Variants in PDE8B observed in about 807,000 individuals in gnomAD.
PDE8B encodes high affinity cAMP-specific and IBMX-insensitive 3',5'-cyclic phosphodiesterase 8B.
A neutral mutation model predicts 101.3 loss-of-function variants in PDE8B; 26 were observed. That is an observed-to-expected ratio of 0.26 (90% CI 0.19 to 0.36). PDE8B has a LOEUF of 0.36. Among genes scored for constraint, PDE8B ranks in the 10% least tolerant of loss-of-function variants. The pLI, the probability that PDE8B is intolerant of heterozygous loss-of-function variation, is 1.00. For synonymous variants in PDE8B, 424 were observed against 429.3 expected (o/e 0.99, Z 0.15); for missense variants, 810 against 1,163.1 (o/e 0.70, Z 4.42).
At chr5:77,279,899 CTTA>C in intron 1 of PDE8B, among the ~76,000 whole-genome samples, 1 of 152,174 alleles carries the variant, frequency 6.6e-6, no homozygotes, top group Non-Finnish European at 1.5e-5. Flanking sequence ...GCATCCTTGT[CTTA>C]TGCTGCACTT....
At chr5:77,321,253 G>A (rs1775012061) in intron 2 of PDE8B, among the ~76,000 whole-genome samples, 1 of 146,228 alleles carries the variant, frequency 6.8e-6, no homozygotes, top group South Asian at 2.2e-4. Context: ...TCGGGTTCAA[G>A]CAATTCTCCT....
intron 10 of PDE8B, among the ~76,000 whole-genome samples, chr5:77,366,170 T>TCACCC: frequency 6.6e-6 from 1 of 152,178 alleles, no homozygotes; most frequent in South Asian, 2.1e-4. Context: ...TTTATACAGT[T>TCACCC]TCCTGCTTTA....
intron 10 of PDE8B, among the ~76,000 whole-genome samples, chr5:77,388,330 C>T (rs1789173868): frequency 6.6e-6 from 1 of 152,196 alleles, no homozygotes; most frequent in Non-Finnish European, 1.5e-5. Context: ...ACAGGCCCCT[C>T]TGCTACAGGT....
chr5:77,390,432 T>C (rs1043862634), intron 10 of PDE8B, among the ~76,000 whole-genome samples: 5 of 152,196 alleles, frequency 3.3e-5, no homozygotes, highest in Admixed American at 2.6e-4. Flanking sequence ...AGTATTCACA[T>C]TGCACAAACT....
the PDE8B span, among the ~76,000 whole-genome samples, chr5:77,129,326 T>C: frequency 6.6e-6 from 1 of 152,138 alleles, no homozygotes; most frequent in African/African-American, 2.4e-5. Flanking sequence ...AATAATAAAA[T>C]AATAAATCCC....
chr5:77,406,240 T>C (rs71632922), intron 12 of PDE8B, among the ~76,000 whole-genome samples: 7,795 of 152,114 alleles, frequency 0.051, 212 homozygotes, highest in Middle Eastern at 0.093. Flanking sequence ...AGCTAGATCG[T>C]GCCTCCAGCC....
chr5:77,345,081 T>C (rs1779908006), intron 7 of PDE8B, 150 bp downstream of exon 7: 1 of 689,228 alleles, frequency 1.5e-6, no homozygotes, highest in African/African-American at 1.8e-5. Flanking sequence ...AGAATACTGA[T>C]AGACTTAAGA....
At chr5:77,344,329 A>G (rs1779773646) in intron 6 of PDE8B, among the ~76,000 whole-genome samples, 1 of 152,242 alleles carries the variant, frequency 6.6e-6, no homozygotes, top group Non-Finnish European at 1.5e-5. Flanking sequence ...CCACTAGGCA[A>G]TAGGAATTAG....
intron 2 of PDE8B, among the ~76,000 whole-genome samples, chr5:77,316,297 G>A (rs1264259204): frequency 2.0e-5 from 3 of 152,032 alleles, no homozygotes; most frequent in Admixed American, 6.5e-5. Flanking sequence ...GCAGTGGCAC[G>A]ATCTCGGCTC....
At chr5:77,381,647 A>G (rs370918359) in intron 10 of PDE8B, among the ~76,000 whole-genome samples, 10 of 152,134 alleles carry the variant, frequency 6.6e-5, no homozygotes, top group South Asian at 6.2e-4. Context: ...GTTGACATGA[A>G]CACATCATAC....
chr5:77,138,446 G>T, the PDE8B span, among the ~76,000 whole-genome samples: 1 of 152,164 alleles, frequency 6.6e-6, no homozygotes, highest in African/African-American at 2.4e-5. Flanking sequence ...AGGATGATCC[G>T]CCTGGAAGCC....
In PDE8B at chr5:77,212,081, G is replaced by A. The variant is rs577034472; in HGVS notation, c.339+817G>A. ...GCTAAATATTTATTTCTTAAAGACA[G>A]AAGAAAAATAATTATTTAAATAGTG... is the stretch of plus-strand genomic sequence containing the variant. On this transcript the variant is annotated intron_variant, in intron 1 of 21. Transcript: ENST00000264917. Among the ~76,000 whole-genome samples the A allele has an allele frequency of 3.8e-4, 58 of 152,310 alleles. No homozygotes were observed. The South Asian group carries it at 0.012, about 31-fold the overall frequency.
In PDE8B at chr5:77,427,550, A is replaced by G. The variant is rs550394854; in HGVS notation, c.*996A>G. The G allele has an allele frequency of 6.6e-6, 1 of 152,320 alleles. No individual in the cohort carries two copies. The highest frequency in any genetic ancestry group is 2.4e-5 in the African/African-American group (1 of 41,574). 9.4% of individuals were successfully genotyped at this position (152,320 alleles called of 1,614,324 possible). ...ATAGGGGAAGTTTCAAGGTTCAGAT[A>G]TTTTTAACCAGTCTATATTTGAAAT... On this transcript the variant is annotated 3_prime_UTR_variant, in exon 22 of 22. Coordinates refer to ENST00000264917, the MANE Select transcript of PDE8B (RefSeq NM_003719.5).
chr5:77,419,585 T>C (rs1415238375), intron 18 of PDE8B, among the ~76,000 whole-genome samples, 182 bp from the exon 19 acceptor site: 3 of 152,184 alleles, frequency 2.0e-5, no homozygotes, highest in Non-Finnish European at 2.9e-5. Context: ...CTGGGGAAAA[T>C]GGAATAGCAT....
chr5:77,163,041 G>A, the PDE8B span, among the ~76,000 whole-genome samples: 3 of 152,168 alleles, frequency 2.0e-5, no homozygotes, highest in Non-Finnish European at 4.4e-5. Context: ...TTGGGAAAGC[G>A]ACATTAAAAT....
intron 7 of PDE8B, among the ~76,000 whole-genome samples, chr5:77,347,922 G>T (rs777083730): frequency 6.6e-6 from 1 of 152,142 alleles, no homozygotes; most frequent in Non-Finnish European, 1.5e-5. Context: ...CAGGGGCTAC[G>T]CTGTAAGTGA....
At chr5:77,097,695 A>ATCTATC in the PDE8B span, among the ~76,000 whole-genome samples, 17 of 22,182 alleles carry the variant, frequency 7.7e-4, no homozygotes, top group African/African-American at 2.2e-3. Flanking sequence ...TTATATATCT[A>ATCTATC]TATATATATA....
chr5:77,125,476 G>A, the PDE8B span, among the ~76,000 whole-genome samples: 2,267 of 152,224 alleles, frequency 0.015, 61 homozygotes, highest in African/African-American at 0.051. Context: ...TGCCCCCAAA[G>A]AATTAAAAGC....
the PDE8B span, among the ~76,000 whole-genome samples, chr5:77,130,044 A>G: frequency 6.6e-6 from 1 of 152,214 alleles, no homozygotes; most frequent in Admixed American, 6.5e-5. Context: ...AGCATAGAGA[A>G]AATGTGGACT....
Sources: allele counts gnomAD v4.1 joint callset (sites outside exome capture counted in the v4.1 genomes callset), GRCh38; gene constraint gnomAD v4.1.1; transcripts MANE v1.5; gene names NCBI Gene and HGNC (gene_info 2026-07-23, HGNC 2026-07-21).